The following PDE7B variants were observed in gnomAD, a reference collection of about 807,000 sequenced individuals.
PDE7B encodes the protein phosphodiesterase 7B, also known as 3',5'-cyclic-AMP phosphodiesterase 7B.
Under a neutral mutation model 56.2 loss-of-function variants are expected in PDE7B, and 29 were observed. The ratio of observed to expected loss-of-function variants is 0.52; its 90% confidence interval spans 0.38 to 0.70. The LOEUF (loss-of-function observed/expected upper bound fraction) is 0.70, where lower values mean the gene tolerates loss of function less well. Ranked by LOEUF, PDE7B falls within the 30% of genes least tolerant of loss-of-function variation. The probability of loss-of-function intolerance (pLI) is 0.00; values close to 1 mark genes in which losing one functional copy is unlikely to be tolerated. For missense variants in PDE7B, 490 were observed against 565.0 expected, an observed-to-expected ratio of 0.87 and a Z score of 1.35; for synonymous variants, 197 against 196.9, an observed-to-expected ratio of 1.00 and a Z score of 0.00.
chr6:135,871,844 T>C (rs1775387917), intron 1 of PDE7B, among the ~76,000 whole-genome samples: 1 of 145,942 alleles, frequency 6.9e-6, no homozygotes, highest in African/African-American at 2.7e-5. Context: ...TGGAAAGATC[T>C]AAGTAACTAT....
At chr6:135,926,302 T>C (rs1026707814) in intron 1 of PDE7B, among the ~76,000 whole-genome samples, 3 of 152,146 alleles carry the variant, frequency 2.0e-5, no homozygotes, top group Non-Finnish European at 4.4e-5. Flanking sequence ...TTAGCCAGGA[T>C]GGTCTCAATC....
At chr6:136,013,796 T>C (rs777125417) in intron 2 of PDE7B, among the ~76,000 whole-genome samples, 3 of 152,224 alleles carry the variant, frequency 2.0e-5, no homozygotes, top group Non-Finnish European at 4.4e-5. Flanking sequence ...ATCTTCCTTT[T>C]GTACTTTTCG....
At chr6:136,103,411 A>G (rs1039967662) in intron 2 of PDE7B, among the ~76,000 whole-genome samples, 3 of 152,244 alleles carry the variant, frequency 2.0e-5, no homozygotes, top group Non-Finnish European at 2.9e-5. Context: ...CCAGATAAAC[A>G]TCTTAGGAGA....
intron 1 of PDE7B, among the ~76,000 whole-genome samples, chr6:135,858,725 G>C (rs1775085786): frequency 6.6e-6 from 1 of 151,470 alleles, no homozygotes; most frequent in African/African-American, 2.4e-5. Flanking sequence ...CCTGTTACAC[G>C]CCCAATTATT....
At chr6:136,038,475 C>T (rs949364025) in intron 2 of PDE7B, 73 of 1,289,622 alleles carry the variant, frequency 5.7e-5, no homozygotes, top group Admixed American at 3.2e-4. Flanking sequence ...GAGCTGCAGG[C>T]GACCAAACAG....
At chr6:136,154,459 T>C (rs1317458253) in intron 7 of PDE7B, among the ~76,000 whole-genome samples, 1 of 151,950 alleles carries the variant, frequency 6.6e-6, no homozygotes, top group Non-Finnish European at 1.5e-5. Flanking sequence ...AATCTACATC[T>C]TAGATACCTT....
At chr6:136,173,736 G>A in intron 8 of PDE7B, 61 bp from the exon 9 acceptor site, 1 of 1,081,926 alleles carries the variant, frequency 9.2e-7, no homozygotes, top group South Asian at 1.3e-5. Context: ...GCTGTGTTCA[G>A]CATGAAAGAT....
intron 1 of PDE7B, among the ~76,000 whole-genome samples, chr6:135,918,187 C>A (rs998855137): frequency 6.6e-6 from 1 of 152,144 alleles, no homozygotes. Context: ...AGCAAGATCC[C>A]TGGGTTCTGC....
chr6:136,104,938 G>C (rs931638325), intron 2 of PDE7B, among the ~76,000 whole-genome samples: 3 of 152,130 alleles, frequency 2.0e-5, no homozygotes, highest in African/African-American at 7.2e-5. Flanking sequence ...CTTATTTGTT[G>C]TTATTGCCGA....
intron 3 of PDE7B, among the ~76,000 whole-genome samples, chr6:136,130,646 A>G (rs924653807): frequency 1.3e-5 from 2 of 152,192 alleles, no homozygotes; most frequent in Non-Finnish European, 2.9e-5. Flanking sequence ...AGCCAATCCC[A>G]TCACCTTCCT....
chr6:136,069,479 A>G (rs1208969710), intron 2 of PDE7B, among the ~76,000 whole-genome samples: 1 of 152,234 alleles, frequency 6.6e-6, no homozygotes, highest in Non-Finnish European at 1.5e-5. Context: ...TTGAAATTGT[A>G]CAGTTCAAAA....
At chr6:136,037,970 A>G (rs923175626) in intron 2 of PDE7B, 33 of 1,215,024 alleles carry the variant, frequency 2.7e-5, no homozygotes, top group Admixed American at 5.8e-5. Flanking sequence ...AGAGGAGGGG[A>G]AAAAAAATGC....
chr6:136,149,424 C>T (rs530770662), intron 5 of PDE7B, among the ~76,000 whole-genome samples: 5 of 152,164 alleles, frequency 3.3e-5, no homozygotes, highest in Non-Finnish European at 5.9e-5. Context: ...TCTTTTCTTG[C>T]AGAATATTTT....
At chr6:136,181,906 C>A (rs1362296720) in intron 11 of PDE7B, among the ~76,000 whole-genome samples, 3 of 152,146 alleles carry the variant, frequency 2.0e-5, no homozygotes, top group Admixed American at 6.5e-5. Context: ...AAAAGATTAA[C>A]CTCATTCAGA....
Position 135,888,124 on chromosome 6 carries a change from A to T in PDE7B, c.21+36105A>T, listed in dbSNP as rs556404837. Among the ~76,000 whole-genome samples, 3 of 152,244 alleles carry T rather than the reference A, an allele frequency of 2.0e-5. No individual in the cohort carries two copies. In the East Asian group the frequency reaches 5.8e-4, roughly 29 times the overall value. ...TGCATTGAGTGCTTTTGCCTATATT[A>T]TCCCACGTAATTGCTATGATACCTC... On this transcript the variant is annotated intron_variant, in intron 1 of 12. Coordinates refer to ENST00000308191, the MANE Select transcript of PDE7B (RefSeq NM_018945.4).
At chr6:135,974,108 G>A (rs1478408227) in intron 2 of PDE7B, among the ~76,000 whole-genome samples, 3 of 152,108 alleles carry the variant, frequency 2.0e-5, no homozygotes, top group South Asian at 4.1e-4. Context: ...CCTAGAGCAA[G>A]GCTAACCAAC....
At chr6:136,132,317 AT>A (rs1376730838) in intron 3 of PDE7B, among the ~76,000 whole-genome samples, 1 of 151,782 alleles carries the variant, frequency 6.6e-6, no homozygotes, top group Non-Finnish European at 1.5e-5. Context: ...CTGATACATC[AT>A]TTTGGATCCC....
intron 1 of PDE7B, among the ~76,000 whole-genome samples, chr6:135,902,449 A>G (rs1180361478): frequency 2.0e-5 from 3 of 152,122 alleles, no homozygotes; most frequent in Non-Finnish European, 4.4e-5. Flanking sequence ...TGGAAAATAA[A>G]GCAAAATCTC....
At chr6:135,893,243 A>C (rs1164185880) in intron 1 of PDE7B, among the ~76,000 whole-genome samples, 3 of 109,520 alleles carry the variant, frequency 2.7e-5, no homozygotes, top group African/African-American at 1.1e-4. Flanking sequence ...AACAGGCCCC[A>C]GTGTGTGATG....
Sources: allele counts gnomAD v4.1 joint callset (sites outside exome capture counted in the v4.1 genomes callset), GRCh38; gene constraint gnomAD v4.1.1; transcripts MANE v1.5; gene names NCBI Gene and HGNC (gene_info 2026-07-23, HGNC 2026-07-21).